The following NREP variants were observed in gnomAD, a reference collection of about 807,000 sequenced individuals.
NREP encodes the protein neuronal regeneration-related protein.
NREP carries 5 observed loss-of-function variants against 8.6 expected under a neutral mutation model. The ratio of observed to expected loss-of-function variants is 0.58; its 90% CI spans 0.30 to 1.22. The LOEUF (loss-of-function observed/expected upper bound fraction) is 1.22, where lower values mean the gene tolerates loss of function less well. Ranked by LOEUF, NREP falls within the 50% of genes most tolerant of loss-of-function variation. The pLI, the probability that NREP is intolerant of heterozygous loss-of-function variation, is 0.07. For missense variants in NREP, 86 were observed against 82.5 expected, an observed-to-expected ratio of 1.04 and a Z score of -0.17; for synonymous variants, 27 against 28.0, an observed-to-expected ratio of 0.96 and a Z score of 0.11.
At chr5:111,758,161 A>G, upstream of NREP, 1 of 985,532 alleles carries the variant, frequency 1.0e-6, no homozygotes. Context: ...TTCCGCGGGG[A>G]AGCCCGGGGC....
At chr5:111,898,452 G>A (rs911150273) in intron 2 of NREP, among the ~76,000 whole-genome samples, 1 of 152,162 alleles carries the variant, frequency 6.6e-6, no homozygotes, top group African/African-American at 2.4e-5. Flanking sequence ...ACGGGGAAAC[G>A]TAAATGTACA....
intron 2 of NREP, among the ~76,000 whole-genome samples, chr5:111,852,969 T>C (rs1294114026): frequency 2.0e-5 from 3 of 152,150 alleles, no homozygotes; most frequent in African/African-American, 7.2e-5. Context: ...AAAGAGCTTA[T>C]TGAAGAACTT....
chr5:111,841,053 A>G (rs958161669), intron 2 of NREP, among the ~76,000 whole-genome samples: 1 of 152,128 alleles, frequency 6.6e-6, no homozygotes, highest in Non-Finnish European at 1.5e-5. Flanking sequence ...GATTGCATGC[A>G]TGCGATTTAT....
Position 111,729,792 on chromosome 5 carries a change from T to TATCA in NREP, c.*1125_*1128dup. The stretch of plus-strand genomic sequence containing the variant: ...CAAAAATGTAAATCTACACCTTGCT[T>TATCA]ATCAAAATTGCCGAAAAAAGAATGC... On this transcript the variant is annotated 3_prime_UTR_variant, in exon 4 of 4. Transcript: ENST00000257435. The TATCA allele has an allele frequency of 6.5e-6, 1 of 152,728 alleles. No homozygotes were observed. Among genetic ancestry groups the TATCA allele is most frequent in the South Asian group, 2.1e-4 (1 of 4,824 alleles). 9.5% of individuals were successfully genotyped at this position (152,728 alleles called of 1,614,324 possible).
At chr5:111,858,179 A>T (rs1375203077) in intron 2 of NREP, among the ~76,000 whole-genome samples, 1 of 152,116 alleles carries the variant, frequency 6.6e-6, no homozygotes, top group African/African-American at 2.4e-5. Flanking sequence ...GAAACTCTGG[A>T]GGTAGAGCCA....
At chr5:111,891,266 C>T (rs905478094) in intron 2 of NREP, among the ~76,000 whole-genome samples, 5 of 152,230 alleles carry the variant, frequency 3.3e-5, no homozygotes, top group African/African-American at 1.2e-4. Context: ...TAAAGCATAA[C>T]ACACATGATC....
chr5:111,974,149 T>C (rs1756897349), intron 2 of NREP, among the ~76,000 whole-genome samples: 1 of 152,214 alleles, frequency 6.6e-6, no homozygotes, highest in African/African-American at 2.4e-5. Flanking sequence ...GTGTGTTCTG[T>C]ATAGTGTCCG....
intron 2 of NREP, among the ~76,000 whole-genome samples, chr5:111,817,847 T>C (rs1467941874): frequency 6.6e-6 from 1 of 150,586 alleles, no homozygotes; most frequent in Non-Finnish European, 1.5e-5. Context: ...CACTGATATA[T>C]GTGTATGTAT....
intron 2 of NREP, among the ~76,000 whole-genome samples, chr5:111,806,583 T>C (rs1256543719): frequency 6.6e-6 from 1 of 152,218 alleles, no homozygotes; most frequent in Admixed American, 6.5e-5. Context: ...GCCATCAGCC[T>C]TGGAAATTGA....
intron 1 of NREP, chr5:111,975,474 T>G (rs1434341065): frequency 2.6e-6 from 2 of 776,936 alleles, no homozygotes; most frequent in Admixed American, 2.3e-5. Flanking sequence ...AGAATGGGCA[T>G]TGTTCTCATT....
At chr5:111,887,426 C>T (rs1581193232) in intron 2 of NREP, among the ~76,000 whole-genome samples, 1 of 152,164 alleles carries the variant, frequency 6.6e-6, no homozygotes, top group Non-Finnish European at 1.5e-5. Context: ...AAATAAAGTA[C>T]TGTATCCCCA....
intron 2 of NREP, among the ~76,000 whole-genome samples, chr5:111,741,861 A>ACACT (rs1400400788): frequency 8.6e-5 from 13 of 151,656 alleles, no homozygotes; most frequent in Non-Finnish European, 1.5e-5. Context: ...ACACACACAC[A>ACACT]CTGGAGCTGG....
rs913288257 is a variant in NREP, at chr5:111,856,483, G to A, written c.135+118791C>T. 3.3e-5 allele frequency among the ~76,000 whole-genome samples: 5 copies of A among 152,236 alleles called. No individual in the cohort carries two copies. In the South Asian group the frequency reaches 6.2e-4, roughly 19 times the overall value. ...CATATGGCTTGGACTTTGGTGTTCTGTATAAAGTACTGTGTTCGAAGCAGT... is the reference window on the plus strand; with the variant it reads ...CATATGGCTTGGACTTTGGTGTTCTATATAAAGTACTGTGTTCGAAGCAGT... On this transcript the variant is annotated intron_variant, in intron 2 of 3. Coordinates refer to the NREP transcript ENST00000395634.
rs536357839 is a variant in NREP, at chr5:111,775,522, T to C, written c.136-40015A>G. On this transcript the variant is annotated intron_variant, in intron 2 of 3. Transcript: ENST00000395634. ...CAGCCCTACTCATATTCTGTGTGCC[T>C]GCCAATTACTTTTATACATGCGGTC... is the stretch of plus-strand genomic sequence containing the variant. Among the ~76,000 whole-genome samples, 16 of 152,322 alleles carry C rather than the reference T, an allele frequency of 1.1e-4. No individual in the cohort carries two copies. In the East Asian group the frequency reaches 2.9e-3, roughly 28 times the overall value.
At chr5:111,920,098 G>C (rs1468121583) in intron 2 of NREP, among the ~76,000 whole-genome samples, 6 of 151,406 alleles carry the variant, frequency 4.0e-5, no homozygotes, top group Admixed American at 3.3e-4. Flanking sequence ...GCATGCCTGA[G>C]CCTACTCACC....
intron 2 of NREP, among the ~76,000 whole-genome samples, chr5:111,962,422 A>G (rs1183178413): frequency 6.6e-6 from 1 of 152,160 alleles, no homozygotes; most frequent in African/African-American, 2.4e-5. Flanking sequence ...ATCACAGAAG[A>G]AATGTTCAAG....
chr5:111,733,776 C>T (rs897435528), intron 3 of NREP: 17 of 152,286 alleles, frequency 1.1e-4, no homozygotes, highest in Admixed American at 5.9e-4. Flanking sequence ...TCCAGTGGCT[C>T]CCACAGCCCC....
chr5:111,790,222 A>G (rs1264564060), intron 2 of NREP, among the ~76,000 whole-genome samples: 1 of 152,078 alleles, frequency 6.6e-6, no homozygotes, highest in African/African-American at 2.4e-5. Flanking sequence ...AAAATAAAAG[A>G]GAAGTATAAA....
At chr5:111,827,194 C>G (rs1379530963) in intron 2 of NREP, among the ~76,000 whole-genome samples, 2 of 152,132 alleles carry the variant, frequency 1.3e-5, no homozygotes, top group Admixed American at 6.5e-5. Flanking sequence ...AGGATTATTA[C>G]TACTCTAAAT....
Sources: allele counts gnomAD v4.1 joint callset (sites outside exome capture counted in the v4.1 genomes callset), GRCh38; gene constraint gnomAD v4.1.1; transcripts MANE v1.5; gene names NCBI Gene and HGNC (gene_info 2026-07-23, HGNC 2026-07-21).